Variants in GNAL observed in about 807,000 individuals in gnomAD.
GNAL encodes G protein subunit alpha L.
GNAL carries 18 observed loss-of-function variants against 55.1 expected under a neutral mutation model. The ratio of observed to expected loss-of-function variants is 0.33; its 90% CI spans 0.23 to 0.48. The LOEUF (loss-of-function observed/expected upper bound fraction) is 0.48, where lower values mean the gene tolerates loss of function less well. Among genes scored for constraint, GNAL ranks in the 20% least tolerant of loss-of-function variants. The pLI, the probability that GNAL is intolerant of heterozygous loss-of-function variation, is 0.99. For synonymous variants in GNAL, 253 were observed against 237.0 expected, an observed-to-expected ratio of 1.07 and a Z score of -0.62; for missense variants, 412 against 614.1, an observed-to-expected ratio of 0.67 and a Z score of 3.48.
intron 5 of GNAL, among the ~76,000 whole-genome samples, chr18:11,826,487 C>CTTGGG: frequency 6.6e-6 from 1 of 152,258 alleles, no homozygotes; most frequent in East Asian, 1.9e-4. Flanking sequence ...CAGCAAGGAA[C>CTTGGG]TTGGGTTTTC....
At chr18:11,875,049 C>G (rs911391633) in intron 10 of GNAL, among the ~76,000 whole-genome samples, 4 of 152,150 alleles carry the variant, frequency 2.6e-5, no homozygotes, top group African/African-American at 7.2e-5. Flanking sequence ...TGGACTCTTC[C>G]GGGGGAGAAT....
intron 4 of GNAL, among the ~76,000 whole-genome samples, chr18:11,756,318 G>A (rs1044510778): frequency 6.6e-6 from 1 of 152,080 alleles, no homozygotes; most frequent in Non-Finnish European, 1.5e-5. Context: ...GATAAATTAA[G>A]GTTACTTAAA....
intron 10 of GNAL, chr18:11,874,000 T>C (rs1441378903): frequency 1.3e-5 from 2 of 152,776 alleles, no homozygotes; most frequent in Middle Eastern, 3.4e-3. Context: ...TTCCAGAACA[T>C]TCTGTGAACT....
intron 4 of GNAL, among the ~76,000 whole-genome samples, chr18:11,787,770 AG>A (rs2034101588): frequency 6.6e-6 from 1 of 151,764 alleles, no homozygotes; most frequent in African/African-American, 2.4e-5. Context: ...GCTACTCAGG[AG>A]GCTGAGGCAG....
At chr18:11,750,253 G>A (rs935140885) in intron 1 of GNAL, among the ~76,000 whole-genome samples, 6 of 152,160 alleles carry the variant, frequency 3.9e-5, no homozygotes, top group Non-Finnish European at 8.8e-5. Context: ...TGAGAAAGGA[G>A]CAGGTAGAAG....
intron 1 of GNAL, among the ~76,000 whole-genome samples, chr18:11,719,267 G>C (rs1046997505): frequency 4.0e-5 from 6 of 151,828 alleles, no homozygotes; most frequent in African/African-American, 1.5e-4. Context: ...GTTGAGGATT[G>C]AAGGAGTGGA....
At chr18:11,768,126 C>A (rs529391051) in intron 4 of GNAL, among the ~76,000 whole-genome samples, 14 of 152,262 alleles carry the variant, frequency 9.2e-5, no homozygotes, top group Non-Finnish European at 1.8e-4. Flanking sequence ...ACTAAACATG[C>A]CTTTACTGAG....
intron 1 of GNAL, among the ~76,000 whole-genome samples, chr18:11,705,291 C>CT (rs2031681428): frequency 6.6e-6 from 1 of 152,162 alleles, no homozygotes; most frequent in African/African-American, 2.4e-5. Context: ...CCCTTCTTTT[C>CT]TTTTTTAAGG....
chr18:11,857,966 A>G (rs968121742), intron 5 of GNAL, among the ~76,000 whole-genome samples: 1 of 152,224 alleles, frequency 6.6e-6, no homozygotes, highest in Admixed American at 6.5e-5. Flanking sequence ...CAATTGCTAT[A>G]TGTTTTCACA....
chr18:11,694,079 C>T (rs185939043), intron 1 of GNAL, among the ~76,000 whole-genome samples: 167 of 152,148 alleles, frequency 1.1e-3, no homozygotes, highest in African/African-American at 3.9e-3. Context: ...TCTTGGACTT[C>T]TGAGATCAAG....
chr18:11,748,333 T>A (rs191353660), intron 1 of GNAL, among the ~76,000 whole-genome samples: 3 of 152,218 alleles, frequency 2.0e-5, no homozygotes, highest in Non-Finnish European at 2.9e-5. Flanking sequence ...ATACTCTTCT[T>A]ACTCAGCCTC....
intron 1 of GNAL, among the ~76,000 whole-genome samples, chr18:11,728,949 A>T (rs1009829377): frequency 2.0e-5 from 3 of 152,202 alleles, no homozygotes; most frequent in African/African-American, 7.2e-5. Flanking sequence ...TGAGAGTTTA[A>T]ACACACTGGG....
chr18:11,797,001 C>T (rs887580558), intron 4 of GNAL, among the ~76,000 whole-genome samples: 14 of 152,176 alleles, frequency 9.2e-5, no homozygotes, highest in African/African-American at 2.7e-4. Flanking sequence ...GCCACCCAGG[C>T]TGGAGTGCAG....
chr18:11,870,705 C>T (rs565145828), intron 9 of GNAL, among the ~76,000 whole-genome samples: 126 of 152,166 alleles, frequency 8.3e-4, no homozygotes, highest in Middle Eastern at 3.4e-3. Flanking sequence ...ATTTAGCGCG[C>T]ACACACACAA....
chr18:11,734,148 C>CTTTTTT (rs545091797), intron 1 of GNAL, among the ~76,000 whole-genome samples: 15 of 137,172 alleles, frequency 1.1e-4, no homozygotes, highest in African/African-American at 1.6e-4. Flanking sequence ...TTTTCTTTTT[C>CTTTTTT]TTTTTTTTTT....
At chr18:11,722,549 T>C (rs1315082785) in intron 1 of GNAL, among the ~76,000 whole-genome samples, 1 of 152,228 alleles carries the variant, frequency 6.6e-6, no homozygotes, top group Non-Finnish European at 1.5e-5. Context: ...TGTTTCTTGC[T>C]TTGACAAAGT....
At chr18:11,692,599 A>T (rs1278843119) in intron 1 of GNAL, among the ~76,000 whole-genome samples, 1 of 152,100 alleles carries the variant, frequency 6.6e-6, no homozygotes, top group African/African-American at 2.4e-5. Flanking sequence ...ACCCTCATCC[A>T]CATATTTTTC....
chr18:11,831,468 AC>A (rs2035382197), intron 5 of GNAL, among the ~76,000 whole-genome samples: 2 of 152,216 alleles, frequency 1.3e-5, no homozygotes, highest in South Asian at 4.2e-4. Context: ...ACTGTAAAGC[AC>A]CCATGAAAAA....
chr18:11,760,400 A>G (rs572537792), intron 4 of GNAL, among the ~76,000 whole-genome samples: 1 of 152,318 alleles, frequency 6.6e-6, no homozygotes, highest in South Asian at 2.1e-4. Flanking sequence ...TGCATGTTTT[A>G]TGGGAGAAAG....
Sources: allele counts gnomAD v4.1 joint callset (sites outside exome capture counted in the v4.1 genomes callset), GRCh38; gene constraint gnomAD v4.1.1; transcripts MANE v1.5; gene names NCBI Gene and HGNC (gene_info 2026-07-23, HGNC 2026-07-21).